USP45: variants seen among roughly 807,000 people sequenced by gnomAD.
USP45 encodes the protein ubiquitin carboxyl-terminal hydrolase 45.
A neutral mutation model predicts 95.8 loss-of-function variants in USP45; 89 were observed. That is an observed-to-expected ratio of 0.93 (90% CI 0.78 to 1.11). The LOEUF (loss-of-function observed/expected upper bound fraction) is 1.11. Ranked by LOEUF, USP45 falls within the 50% of genes least tolerant of loss-of-function variation. The pLI, the probability that USP45 is intolerant of heterozygous loss-of-function variation, is 0.00. For missense variants in USP45, 898 were observed against 942.5 expected (o/e 0.95, Z 0.62); for synonymous variants, 281 against 316.2 (o/e 0.89, Z 1.18).
intron 13 of USP45, chr6:99,461,063 A>C (rs1328474320): frequency 1.0e-6 from 1 of 985,196 alleles, no homozygotes; most frequent in Non-Finnish European, 1.2e-6. Context: ...ACCAGAGCAC[A>C]ATGCACTTCT....
In USP45 at chr6:99,446,209, T is replaced by C; in HGVS notation, c.1563A>G (p.Arg521=). ...ESASKQTGLF[R]SSSGSGVQPD... ...GCTGCACACCGGATCCACTACTGGA[T>C]CTGAACAGCCCAGTCTGCTTTGAAG... The change falls in exon 14 of 18, where the codon AGA becomes AGG. Residue 521 remains arginine, a synonymous_variant. Transcript: ENST00000500704. The C allele has an allele frequency of 6.2e-7, 1 of 1,614,160 alleles. No individual in the cohort carries two copies. Among genetic ancestry groups the C allele is most frequent in the Non-Finnish European group, 8.5e-7 (1 of 1,180,024 alleles).
At chr6:99,437,123 G>A in intron 17 of USP45, 123 bp downstream of exon 17, 1 of 810,972 alleles carries the variant, frequency 1.2e-6, no homozygotes, top group East Asian at 2.7e-5. Context: ...AATCAATTAA[G>A]TTAAAATAAA....
intron 13 of USP45, among the ~76,000 whole-genome samples, chr6:99,453,857 G>A (rs1374893402): frequency 6.6e-6 from 1 of 152,198 alleles, no homozygotes; most frequent in African/African-American, 2.4e-5. Flanking sequence ...CTACTTGGGA[G>A]GCTGAGGCAG....
chr6:99,436,343 G>A (rs1158297384), intron 17 of USP45, among the ~76,000 whole-genome samples: 4 of 152,132 alleles, frequency 2.6e-5, no homozygotes, highest in Non-Finnish European at 5.9e-5. Context: ...CTTGAGGTCA[G>A]GAGTTTGAGA....
At chr6:99,459,159 AG>A (rs1361448131) in intron 13 of USP45, among the ~76,000 whole-genome samples, 1 of 152,068 alleles carries the variant, frequency 6.6e-6, no homozygotes, top group Non-Finnish European at 1.5e-5. Flanking sequence ...ACCCTCCAGT[AG>A]GCCCCAGTGT....
At chr6:99,511,782 T>C (rs1333262925) in intron 1 of USP45, among the ~76,000 whole-genome samples, 1 of 150,714 alleles carries the variant, frequency 6.6e-6, no homozygotes, top group Non-Finnish European at 1.5e-5. Context: ...ATTAGCTATG[T>C]TTGTTTTTAT....
intron 1 of USP45, among the ~76,000 whole-genome samples, chr6:99,514,512 T>C (rs1255808634): frequency 6.6e-6 from 1 of 152,232 alleles, no homozygotes. Context: ...AAATATGTTC[T>C]GGCCATTTTT....
chr6:99,436,006 T>C (rs1369795840), intron 17 of USP45, among the ~76,000 whole-genome samples, 160 bp from the exon 18 acceptor site: 2 of 152,140 alleles, frequency 1.3e-5, no homozygotes, highest in South Asian at 4.1e-4. Context: ...AAAAGAACTT[T>C]TTTTTTTTTA....
chr6:99,452,986 T>C (rs1010707331), intron 13 of USP45, among the ~76,000 whole-genome samples: 1 of 151,810 alleles, frequency 6.6e-6, no homozygotes, highest in African/African-American at 2.4e-5. Context: ...ATGAGAACAC[T>C]TGGACACAGG....
At chr6:99,487,307 A>C (rs749964718) in intron 7 of USP45, among the ~76,000 whole-genome samples, 5 of 152,208 alleles carry the variant, frequency 3.3e-5, no homozygotes, top group African/African-American at 1.2e-4. Context: ...AAAATCATGA[A>C]GTGGACTTGC....
chr6:99,507,182 T>TG (rs1798734873), intron 4 of USP45, among the ~76,000 whole-genome samples: 2 of 152,156 alleles, frequency 1.3e-5, no homozygotes, highest in Admixed American at 1.3e-4. Context: ...ACTCCAGCCT[T>TG]GGCGACAGAG....
intron 5 of USP45, among the ~76,000 whole-genome samples, chr6:99,503,342 CTT>C (rs1797796865): frequency 5.4e-4 from 76 of 139,734 alleles, no homozygotes; most frequent in Admixed American, 4.1e-3. Flanking sequence ...TTTTTTTTTT[CTT>C]GAGACGGGGT....
chr6:99,454,006 A>G (rs1055587243), intron 13 of USP45, among the ~76,000 whole-genome samples: 2 of 152,212 alleles, frequency 1.3e-5, no homozygotes, highest in South Asian at 2.1e-4. Context: ...AAAAAGAGCC[A>G]GAATCACTAA....
At chr6:99,448,904 T>A (rs894396748) in intron 13 of USP45, among the ~76,000 whole-genome samples, 7 of 152,294 alleles carry the variant, frequency 4.6e-5, no homozygotes, top group African/African-American at 1.7e-4. Flanking sequence ...ACCCCAGAAT[T>A]TCATATCCAG....
intron 13 of USP45, among the ~76,000 whole-genome samples, chr6:99,456,198 G>A (rs73501499): frequency 0.035 from 5,311 of 150,574 alleles, 281 homozygotes; most frequent in East Asian, 0.27. Flanking sequence ...GATATCAGAG[G>A]CTTAGAAAAG....
At chr6:99,502,062 T>A in intron 5 of USP45, 1 of 1,262,984 alleles carries the variant, frequency 7.9e-7, no homozygotes, top group South Asian at 1.4e-5. Context: ...AGAGACTGAG[T>A]TAAATCAATA....
chr6:99,440,951 GAAGGACTTTAATAT>G (rs1781406611), intron 15 of USP45, among the ~76,000 whole-genome samples: 1 of 152,298 alleles, frequency 6.6e-6, no homozygotes, highest in South Asian at 2.1e-4. Flanking sequence ...GAGACTGTGT[GAAGGACTTTAATAT>G]AAGATGAATC....
chr6:99,443,699 A>G, intron 14 of USP45, 37 bp from the exon 15 acceptor site: 1 of 1,293,140 alleles, frequency 7.7e-7, no homozygotes, highest in Non-Finnish European at 1.1e-6. Context: ...ATAAAATTCC[A>G]TTTTATACAT....
At chr6:99,440,725 ATTTGT>A (rs1781369294) in intron 15 of USP45, among the ~76,000 whole-genome samples, 1 of 151,954 alleles carries the variant, frequency 6.6e-6, no homozygotes, top group Non-Finnish European at 1.5e-5. Context: ...TCACCTACTG[ATTTGT>A]TTTTTCAAGT....
Sources: allele counts gnomAD v4.1 joint callset (sites outside exome capture counted in the v4.1 genomes callset), GRCh38; gene constraint gnomAD v4.1.1; transcripts MANE v1.5; gene names NCBI Gene and HGNC (gene_info 2026-07-23, HGNC 2026-07-21).